Variants in CENPF observed in about 807,000 individuals in gnomAD.
CENPF encodes centromere protein F.
In CENPF, 214 loss-of-function variants were observed where a neutral mutation model predicts 307.3. The ratio of observed to expected loss-of-function variants is 0.70; its 90% CI spans 0.62 to 0.78. The LOEUF (loss-of-function observed/expected upper bound fraction) is 0.78, where lower values mean the gene tolerates loss of function less well. CENPF is among the 30% of genes least tolerant of loss of function. The pLI is 0.00. For synonymous variants in CENPF, 1,259 were observed against 1,270.6 expected (o/e 0.99, Z 0.19); for missense variants, 3,401 against 3,483.9 (o/e 0.98, Z 0.60).
chr1:214,642,677 T>G lies in CENPF; in HGVS notation c.4339T>G (p.Leu1447Val), dbSNP rs1658160071. ...TGTTGACTCATTAAAGGCCGAAAAT[T>G]TGGTCTTGTCAACGAATCTGAGAAA... ...TYVDSLKAEN[L>V]VLSTNLRNFQ... The change falls in exon 12 of 20, where the codon TTG (leucine) becomes GTG (valine). Residue 1447 changes from leucine to valine, a missense_variant. Coordinates refer to ENST00000366955, the MANE Select transcript of CENPF (RefSeq NM_016343.4). The G allele has an allele frequency of 6.2e-7, 1 of 1,614,058 alleles. No homozygotes were observed. The highest frequency in any genetic ancestry group is 8.5e-7 in the Non-Finnish European group (1 of 1,180,014).
At chr1:214,624,782 A>C (rs1474975619) in intron 7 of CENPF, among the ~76,000 whole-genome samples, 1 of 152,166 alleles carries the variant, frequency 6.6e-6, no homozygotes, top group Non-Finnish European at 1.5e-5. Flanking sequence ...TGCTCAAAAA[A>C]ATGTCATTAG....
chr1:214,661,208 T>C (rs1221817399), intron 19 of CENPF, among the ~76,000 whole-genome samples: 1 of 152,230 alleles, frequency 6.6e-6, no homozygotes, highest in Non-Finnish European at 1.5e-5. Context: ...CCAGCAGTTA[T>C]GAATTGCTAA....
At chr1:214,656,814 C>T (rs1658644020) in intron 17 of CENPF, 119 bp from the exon 18 acceptor site, 2 of 662,074 alleles carry the variant, frequency 3.0e-6, no homozygotes, top group Admixed American at 2.9e-5. Flanking sequence ...TATATCTCCC[C>T]AACCTCTTAA....
rs776852682 is a variant in CENPF, at chr1:214,620,816, C to CT, written c.739dup (p.Ser247PhefsTer21). ...TTAGGAGAGATTTCTCTGCATCTTACTTTTCTGGGGAACAAGAGGTGACTC... is the reference window on the plus strand; with the variant it reads ...TTAGGAGAGATTTCTCTGCATCTTACTTTTTCTGGGGAACAAGAGGTGACTC... On this transcript the variant is annotated frameshift_variant, in exon 6 of 20. Coordinates refer to ENST00000366955, the MANE Select transcript of CENPF (RefSeq NM_016343.4). LOFTEE classifies it high-confidence loss of function. The CT allele has an allele frequency of 6.2e-7, 1 of 1,614,190 alleles. No individual in the cohort carries two copies. The highest frequency in any genetic ancestry group is 1.1e-5 in the South Asian group (1 of 91,086).
At chr1:214,633,146 G>T (rs188089103) in intron 10 of CENPF, among the ~76,000 whole-genome samples, 2 of 152,290 alleles carry the variant, frequency 1.3e-5, no homozygotes, top group Non-Finnish European at 2.9e-5. Flanking sequence ...TATGACTCTG[G>T]CTTCAAAAGT....
At chr1:214,607,513 C>G (rs1250395878) in intron 1 of CENPF, among the ~76,000 whole-genome samples, 2 of 152,196 alleles carry the variant, frequency 1.3e-5, no homozygotes, top group African/African-American at 4.8e-5. Context: ...ACAGCAGGGA[C>G]TGCCTGCAAT....
chr1:214,605,654 TC>T, intron 1 of CENPF: 1 of 1,554,214 alleles, frequency 6.4e-7, no homozygotes, highest in Non-Finnish European at 8.7e-7. Flanking sequence ...ATTGCTGAGG[TC>T]TGGCCGGTTG....
Position 214,659,743 on chromosome 1 carries a change from G to A in CENPF, c.9141+715G>A, listed in dbSNP as rs1191596223. Among the ~76,000 whole-genome samples, 8 of 152,148 alleles carry A rather than the reference G, an allele frequency of 5.3e-5. No individual in the cohort carries two copies. The highest frequency in any genetic ancestry group is 1.4e-4 in the African/African-American group (6 of 41,444). On this transcript the variant is annotated intron_variant, in intron 19 of 19. Transcript: ENST00000366955. The surrounding 1 kb of genome is among the most constrained non-coding windows in gnomAD (Gnocchi z 4.4). ...GTGGTATTATAAAAGAGTGAAGAACGTGAGACTCATAAAGATGTAACCTCC... is the reference window on the plus strand; with the variant it reads ...GTGGTATTATAAAAGAGTGAAGAACATGAGACTCATAAAGATGTAACCTCC...
intron 10 of CENPF, among the ~76,000 whole-genome samples, chr1:214,635,186 T>G (rs1657922512): frequency 1.3e-5 from 2 of 152,276 alleles, no homozygotes; most frequent in East Asian, 1.9e-4. Context: ...GCAAGAGAGA[T>G]GAGGAGGAAA....
At chr1:214,620,190 C>T (rs141102216) in intron 5 of CENPF, among the ~76,000 whole-genome samples, 30 of 152,222 alleles carry the variant, frequency 2.0e-4, no homozygotes, top group Non-Finnish European at 3.2e-4. Flanking sequence ...ATTAAACACT[C>T]GATGTGACTT....
At position 214,619,233 on chromosome 1, in the gene CENPF, T is replaced by TA; in HGVS notation, c.573+13_573+14insA. 3 of 1,300,800 alleles carry TA rather than the reference T, an allele frequency of 2.3e-6. No homozygotes were observed. The highest frequency in any genetic ancestry group is 1.2e-5 in the South Asian group (1 of 81,710). The allele number at this position is 1,300,800 out of a possible 1,614,324, so 80.6% of individuals were successfully genotyped here. The stretch of plus-strand genomic sequence containing the variant: ...CTTGCAGGCTAAAGTAAGTTAATTA[T>TA]GGGCCCTATAATAGAGTATGCAGTT... On this transcript the variant is annotated intron_variant, in intron 5 of 19. Transcript: ENST00000366955.
At chr1:214,648,498 G>A (rs756051320) in intron 13 of CENPF, 177 bp from the exon 14 acceptor site, 1 of 765,278 alleles carries the variant, frequency 1.3e-6, no homozygotes, top group Non-Finnish European at 2.4e-6. Context: ...GAAAAGGTAA[G>A]CTTACTAGTA....
At position 214,657,171 on chromosome 1, in the gene CENPF, A is replaced by G. The variant is rs570239670; in HGVS notation, c.8724A>G (p.Pro2908=). Residue 2908 remains proline (P), a synonymous_variant, in exon 18 of 20, where the codon CCA becomes CCG. Transcript: ENST00000366955. ...CTCCTTTGCTAGGTCCAGTTGTTCC[A>G]GGACCATCTCCAATCCCTTCTGTTA... ...RGSPLLGPVV[P]GPSPIPSVTE... The G allele has an allele frequency of 9.3e-6, 15 of 1,614,190 alleles. No individual in the cohort carries two copies. The highest frequency in any genetic ancestry group is 1.7e-5 in the Admixed American group (1 of 60,028).
At chr1:214,647,966 G>A in intron 13 of CENPF, 1 of 503,970 alleles carries the variant, frequency 2.0e-6, no homozygotes, top group Non-Finnish European at 4.0e-6. Context: ...TATTGTATTA[G>A]TTGATGATTA....
At chr1:214,616,098 C>T (rs1321294059) in intron 3 of CENPF, among the ~76,000 whole-genome samples, 2 of 152,094 alleles carry the variant, frequency 1.3e-5, no homozygotes, top group African/African-American at 2.4e-5. Context: ...TTTGTTAAAA[C>T]TGTGGAGATT....
At position 214,646,346 on chromosome 1, in the gene CENPF, A is replaced by C. The variant is rs144478326; in HGVS notation, c.6776A>C (p.Glu2259Ala). The C allele has an allele frequency of 5.5e-4, 892 of 1,613,882 alleles. 8 individuals are homozygous for C. The highest frequency in any genetic ancestry group is 1.6e-4 in the Middle Eastern group (1 of 6,078). Reference protein sequence around the residue: ...QIKEESKTAVEMLQNQLKELN... With the variant: ...QIKEESKTAVAMLQNQLKELN... ...AAAGAAGAATCTAAAACTGCAGTGGAGATGCTTCAGAATCAGTTAAAGGAG... is the reference window on the plus strand; with the variant it reads ...AAAGAAGAATCTAAAACTGCAGTGGCGATGCTTCAGAATCAGTTAAAGGAG... Residue 2259 changes from glutamate to alanine, a missense_variant, in exon 13 of 20, where the codon GAG becomes GCG. Physicochemically the swap from Glu to Ala is moderately radical, Grantham distance 107 (BLOSUM62 -1). Transcript: ENST00000366955.
Position 214,605,876 on chromosome 1 carries a change from G to A in CENPF, c.-42+2555G>A, listed in dbSNP as rs566281886. Reference sequence around the variant, plus strand: ...GCCGTGGATGATGAGCACGGGCGACGTGATCTTGGACACCTTCTCGATGTT... The same window carrying A: ...GCCGTGGATGATGAGCACGGGCGACATGATCTTGGACACCTTCTCGATGTT... On this transcript the variant is annotated intron_variant, in intron 1 of 19. Transcript: ENST00000366955. The A allele has an allele frequency of 6.9e-5, 111 of 1,597,366 alleles. No individual in the cohort carries two copies. The South Asian group carries it at 1.1e-3, about 16-fold the overall frequency.
chr1:214,627,797 T>C (rs1425955180), intron 7 of CENPF, among the ~76,000 whole-genome samples: 1 of 152,238 alleles, frequency 6.6e-6, no homozygotes, highest in Non-Finnish European at 1.5e-5. Context: ...AAGGATAGTA[T>C]GTCCTTGTCA....
chr1:214,616,798 GTTTC>G (rs921538150), intron 3 of CENPF, among the ~76,000 whole-genome samples: 4 of 149,126 alleles, frequency 2.7e-5, no homozygotes, highest in Non-Finnish European at 6.0e-5. Context: ...TTCTTTCTTT[GTTTC>G]TTTCTTTCCT....
Sources: gnomAD v4.1 joint callset for allele counts (sites outside exome capture counted in the v4.1 genomes callset) on GRCh38, gnomAD v4.1.1 for gene constraint, Gnocchi (gnomAD v3.1) non-coding constraint, MANE v1.5 for transcripts, NCBI Gene and HGNC (gene_info 2026-07-23, HGNC 2026-07-21) for gene names.